MACROD2: variants seen among roughly 807,000 people sequenced by gnomAD.
MACROD2 encodes the protein mono-ADP ribosylhydrolase 2, also known as ADP-ribose glycohydrolase MACROD2.
MACROD2 carries 36 observed loss-of-function variants against 70.4 expected under a neutral mutation model. That is an observed-to-expected ratio of 0.51 (90% CI 0.39 to 0.68). MACROD2 has a LOEUF of 0.68. MACROD2 is among the 30% of genes least tolerant of loss of function. The pLI, the probability that MACROD2 is intolerant of heterozygous loss-of-function variation, is 0.00. For missense variants in MACROD2, 496 were observed against 538.4 expected (o/e 0.92, Z 0.78); for synonymous variants, 172 against 178.8 (o/e 0.96, Z 0.30).
chr20:14,119,166 T>A (rs1352356909), intron 3 of MACROD2, among the ~76,000 whole-genome samples: 1 of 134,154 alleles, frequency 7.5e-6, no homozygotes, highest in Non-Finnish European at 1.6e-5. Flanking sequence ...GTGATTTTTT[T>A]TTTTTTTTTT....
At chr20:14,189,834 G>T (rs2081371026) in intron 3 of MACROD2, among the ~76,000 whole-genome samples, 1 of 152,180 alleles carries the variant, frequency 6.6e-6, no homozygotes, top group South Asian at 2.1e-4. Context: ...ATTTTAAACA[G>T]CCTGATGGTA....
At chr20:14,788,763 GTT>G (rs1195877119) in intron 5 of MACROD2, among the ~76,000 whole-genome samples, 4,446 of 79,236 alleles carry the variant, frequency 0.056, 34 homozygotes, top group East Asian at 0.096. Context: ...TAGTGGTGGT[GTT>G]TTTTTTTTTT....
At chr20:15,212,779 G>A (rs1471062631) in intron 5 of MACROD2, among the ~76,000 whole-genome samples, 1 of 152,184 alleles carries the variant, frequency 6.6e-6, no homozygotes, top group Non-Finnish European at 1.5e-5. Context: ...TTGACATTTT[G>A]AGTCTAGTCT....
rs868830291 is a variant in MACROD2, at chr20:15,317,527, G to A, written c.540+87466G>A. ...TATCTATCTATCTATCTATCTATCT[G>A]TCTATCTATCTCTATCAAGATATTT... On this transcript the variant is annotated intron_variant, in intron 6 of 17. Transcript: ENST00000684519. Among the ~76,000 whole-genome samples, 170 of 103,240 alleles carry A rather than the reference G, an allele frequency of 1.6e-3. 1 individual carries two copies. The highest frequency in any genetic ancestry group is 0.011 in the South Asian group (31 of 2,904). 67.7% of individuals were successfully genotyped at this position (103,240 alleles called of 152,430 possible). A position where few individuals can be genotyped will look rare whatever the true frequency, so the allele number is the denominator to read the frequency against.
intron 4 of MACROD2, among the ~76,000 whole-genome samples, chr20:14,638,147 G>T (rs1212627718): frequency 6.6e-6 from 1 of 151,934 alleles, no homozygotes; most frequent in Admixed American, 6.6e-5. Context: ...TAAACTGGTA[G>T]TTTAATTATT....
chr20:15,461,206 A>G (rs2146414513), intron 7 of MACROD2, among the ~76,000 whole-genome samples: 1 of 151,618 alleles, frequency 6.6e-6, no homozygotes, highest in South Asian at 2.1e-4. Flanking sequence ...TTTCATGTTA[A>G]AAGTATTCCA....
At chr20:15,955,246 T>A (rs537674086) in intron 12 of MACROD2, among the ~76,000 whole-genome samples, 1 of 152,304 alleles carries the variant, frequency 6.6e-6, no homozygotes, top group Admixed American at 6.5e-5. Context: ...AAATGATGGA[T>A]CCATGACCCA....
At chr20:15,382,737 T>C (rs2045660636) in intron 6 of MACROD2, among the ~76,000 whole-genome samples, 1 of 152,126 alleles carries the variant, frequency 6.6e-6, no homozygotes. Context: ...GGAAACCAAT[T>C]CATATGATTT....
At chr20:15,778,276 C>G (rs543679887) in intron 8 of MACROD2, among the ~76,000 whole-genome samples, 1 of 152,126 alleles carries the variant, frequency 6.6e-6, no homozygotes, top group South Asian at 2.1e-4. Flanking sequence ...CCATTTTTTT[C>G]CCAGGTTGGT....
At chr20:15,047,383 T>TA (rs1278091636) in intron 5 of MACROD2, among the ~76,000 whole-genome samples, 9 of 152,142 alleles carry the variant, frequency 5.9e-5, no homozygotes, top group African/African-American at 4.8e-5. Flanking sequence ...ACAAAACACT[T>TA]ACTGGCAGCA....
intron 4 of MACROD2, among the ~76,000 whole-genome samples, chr20:14,570,570 G>C (rs1980122030): frequency 6.6e-6 from 1 of 151,726 alleles, no homozygotes. Context: ...TTTCCCCATG[G>C]TAAAAGATTA....
intron 5 of MACROD2, among the ~76,000 whole-genome samples, chr20:14,955,693 C>T (rs1278410179): frequency 2.0e-5 from 3 of 152,058 alleles, no homozygotes; most frequent in African/African-American, 7.2e-5. Context: ...AACTCTGCGA[C>T]CAGCGCTCCC....
chr20:15,713,990 C>T (rs892242098), intron 8 of MACROD2, among the ~76,000 whole-genome samples: 2 of 91,274 alleles, frequency 2.2e-5, no homozygotes, highest in Non-Finnish European at 3.9e-5. Context: ...CACATATGCA[C>T]ACACACACAC....
At chr20:16,016,321 T>G (rs1187896429) in intron 15 of MACROD2, among the ~76,000 whole-genome samples, 1 of 152,194 alleles carries the variant, frequency 6.6e-6, no homozygotes, top group African/African-American at 2.4e-5. Context: ...TTGCTAAATT[T>G]TTTCCTATCA....
intron 8 of MACROD2, among the ~76,000 whole-genome samples, chr20:15,631,462 C>T (rs2049289689): frequency 6.6e-6 from 1 of 152,008 alleles, no homozygotes; most frequent in African/African-American, 2.4e-5. Flanking sequence ...TCTTTCAACT[C>T]TGTTTTAACC....
intron 8 of MACROD2, among the ~76,000 whole-genome samples, chr20:15,779,951 A>G (rs1174682336): frequency 6.6e-6 from 1 of 152,144 alleles, no homozygotes; most frequent in Non-Finnish European, 1.5e-5. Flanking sequence ...AAGATAAGTT[A>G]TAAGGCATTT....
At chr20:15,325,746 CA>C (rs2077921889) in intron 6 of MACROD2, among the ~76,000 whole-genome samples, 1 of 152,182 alleles carries the variant, frequency 6.6e-6, no homozygotes, top group Non-Finnish European at 1.5e-5. Flanking sequence ...ACCAAGGGAA[CA>C]GGGGTTCCAT....
intron 5 of MACROD2, among the ~76,000 whole-genome samples, chr20:14,732,463 T>G (rs1007135091): frequency 6.6e-6 from 1 of 152,164 alleles, no homozygotes; most frequent in African/African-American, 2.4e-5. Context: ...CATTTTTAGA[T>G]TTATGAAGGG....
At chr20:15,904,917 G>A (rs977225264) in intron 10 of MACROD2, among the ~76,000 whole-genome samples, 2 of 151,552 alleles carry the variant, frequency 1.3e-5, no homozygotes, top group South Asian at 4.2e-4. Flanking sequence ...AGGAAGAAAG[G>A]GAGGAAAGAG....
Sources: allele counts gnomAD v4.1 joint callset (sites outside exome capture counted in the v4.1 genomes callset), GRCh38; gene constraint gnomAD v4.1.1; transcripts MANE v1.5; gene names NCBI Gene and HGNC (gene_info 2026-07-23, HGNC 2026-07-21).